NPSR1: variants seen among roughly 807,000 people sequenced by gnomAD.
NPSR1 encodes the protein neuropeptide S receptor 1.
A neutral mutation model predicts 46.9 loss-of-function variants in NPSR1; 48 were observed. The ratio of observed to expected loss-of-function variants is 1.02; its 90% confidence interval spans 0.81 to 1.30. The LOEUF is 1.30. NPSR1 is among the 50% of genes most tolerant of loss of function. The probability of loss-of-function intolerance (pLI) is 0.00; values close to 1 mark genes in which losing one functional copy is unlikely to be tolerated. For missense variants in NPSR1, 450 were observed against 449.5 expected (o/e 1.00, Z -0.01); for synonymous variants, 176 against 168.1 (o/e 1.05, Z -0.36).
At chr7:34,873,949 T>C (rs1284752817) in intron 8 of NPSR1, among the ~76,000 whole-genome samples, 1 of 151,624 alleles carries the variant, frequency 6.6e-6, no homozygotes. Flanking sequence ...AGCCCCTAAC[T>C]GATCATTGAT....
At chr7:34,789,191 A>T (rs1201789911) in intron 3 of NPSR1, among the ~76,000 whole-genome samples, 1 of 152,016 alleles carries the variant, frequency 6.6e-6, no homozygotes, top group East Asian at 1.9e-4. Context: ...ACCTACATCA[A>T]ACAAAAGATT....
chr7:34,805,531 A>C (rs974917456), intron 3 of NPSR1, among the ~76,000 whole-genome samples: 25 of 151,648 alleles, frequency 1.6e-4, no homozygotes, highest in African/African-American at 5.6e-4. Flanking sequence ...CTTTCACAAA[A>C]ACCAACTCAG....
At chr7:34,813,482 A>G (rs555005604) in intron 4 of NPSR1, among the ~76,000 whole-genome samples, 7 of 152,286 alleles carry the variant, frequency 4.6e-5, no homozygotes, top group African/African-American at 1.7e-4. Context: ...CCTGCCTCTC[A>G]ATGTGGAAGT....
At chr7:34,785,381 T>C (rs1227113017) in intron 3 of NPSR1, among the ~76,000 whole-genome samples, 1 of 81,560 alleles carries the variant, frequency 1.2e-5, no homozygotes, top group Non-Finnish European at 2.2e-5. Flanking sequence ...GGCACTGTTG[T>C]GGGGTGGGGG....
chr7:34,733,732 A>G (rs1263132255), intron 2 of NPSR1, among the ~76,000 whole-genome samples: 8 of 152,232 alleles, frequency 5.3e-5, no homozygotes, highest in Non-Finnish European at 1.2e-4. Context: ...TATTTAAATT[A>G]CATTACTTTT....
chr7:34,760,102 C>A lies in NPSR1; in HGVS notation c.281-18360C>A, dbSNP rs182702902. Among the ~76,000 whole-genome samples, 5 of 152,268 alleles carry A rather than the reference C, an allele frequency of 3.3e-5. No individual in the cohort carries two copies. In the East Asian group the frequency reaches 5.8e-4, roughly 18 times the overall value. On this transcript the variant is annotated intron_variant, in intron 2 of 8. Coordinates refer to ENST00000360581, the MANE Select transcript of NPSR1 (RefSeq NM_207172.2). The stretch of plus-strand genomic sequence containing the variant: ...CAAATATATTGGATTAGCTGGCATG[C>A]ATTATAGCAAATAAAATAGCCAGTC...
At position 34,694,045 on chromosome 7, in the gene NPSR1, A is replaced by C. The variant is rs560282518; in HGVS notation, c.280+9361A>C. Among the ~76,000 whole-genome samples, 41 of 152,336 alleles carry C rather than the reference A, an allele frequency of 2.7e-4. No individual in the cohort carries two copies. The South Asian group carries it at 7.5e-3, about 28-fold the overall frequency. On this transcript the variant is annotated intron_variant, in intron 2 of 8. Transcript: ENST00000360581. ...ATTACAAACCTACAGCCAACATTAT[A>C]CTGAATGAGGAAAAATTGAAAGCAT...
At chr7:34,867,788 C>T (rs1791348461) in intron 8 of NPSR1, among the ~76,000 whole-genome samples, 1 of 151,850 alleles carries the variant, frequency 6.6e-6, no homozygotes, top group Non-Finnish European at 1.5e-5. Flanking sequence ...TGGCATTGCA[C>T]TCCCAGCCTT....
At chr7:34,702,703 T>G (rs545442284) in intron 2 of NPSR1, among the ~76,000 whole-genome samples, 1 of 152,366 alleles carries the variant, frequency 6.6e-6, no homozygotes, top group South Asian at 2.1e-4. Context: ...ATTTTTAGGC[T>G]ATTAGCAATC....
At chr7:34,670,375 AT>A (rs1791989237) in intron 1 of NPSR1, among the ~76,000 whole-genome samples, 1 of 152,034 alleles carries the variant, frequency 6.6e-6, no homozygotes, top group Non-Finnish European at 1.5e-5. Flanking sequence ...AGGAACTAGT[AT>A]TTTTGCAACA....
chr7:34,848,218 T>C (rs764201788), intron 7 of NPSR1, among the ~76,000 whole-genome samples: 13 of 152,230 alleles, frequency 8.5e-5, no homozygotes, highest in Non-Finnish European at 1.3e-4. Flanking sequence ...TCCACAGCAG[T>C]AGAAATTTGA....
At chr7:34,802,576 TA>T (rs199663156) in intron 3 of NPSR1, among the ~76,000 whole-genome samples, 3,316 of 150,330 alleles carry the variant, frequency 0.022, 409 homozygotes, top group African/African-American at 0.079. Context: ...CAAGATGGAT[TA>T]AAGACTAAAT....
intron 1 of NPSR1, among the ~76,000 whole-genome samples, chr7:34,669,554 G>A (rs1791933343): frequency 6.7e-6 from 1 of 149,934 alleles, no homozygotes; most frequent in Non-Finnish European, 1.5e-5. Flanking sequence ...GGGCGACAGA[G>A]CGAGACTCTG....
rs182707306 is a variant in NPSR1 at position 34,790,639 on chromosome 7, A to G, written c.384+12074A>G. On this transcript the variant is annotated intron_variant, in intron 3 of 8. Transcript: ENST00000360581. ...TACATATATATAAAATATATAATTT[A>G]TATATAATATGTATTATGTTATAAA... 1.9e-3 allele frequency among the ~76,000 whole-genome samples: 260 copies of G among 139,518 alleles called. 1 individual carries two copies. The highest frequency in any genetic ancestry group is 6.5e-3 in the African/African-American group (251 of 38,612). 91.5% of individuals were successfully genotyped at this position (139,518 alleles called of 152,430 possible).
At chr7:34,666,223 G>A (rs762903479) in intron 1 of NPSR1, among the ~76,000 whole-genome samples, 25 of 152,168 alleles carry the variant, frequency 1.6e-4, no homozygotes, top group Non-Finnish European at 2.9e-4. Flanking sequence ...GGAAAAATCC[G>A]TAGGATTGGT....
At chr7:34,689,604 CAAAAAAAAAAAAAAAAAA>C (rs869170591) in intron 2 of NPSR1, among the ~76,000 whole-genome samples, 3 of 36,676 alleles carry the variant, frequency 8.2e-5, no homozygotes, top group African/African-American at 1.0e-4. Context: ...GACTCTGTCT[CAAAAAAAAAAAAAAAAAA>C]AAAAAAAAAA....
intron 2 of NPSR1, among the ~76,000 whole-genome samples, chr7:34,736,707 C>T (rs2128716668): frequency 6.6e-6 from 1 of 152,160 alleles, no homozygotes; most frequent in Admixed American, 6.5e-5. Context: ...CTCTAGTGAT[C>T]CTCCCGCCTC....
intron 5 of NPSR1, 33 bp downstream of exon 5, chr7:34,827,635 GGGTGGGGC>G: frequency 2.5e-6 from 3 of 1,213,064 alleles, no homozygotes; most frequent in Admixed American, 3.8e-5. Context: ...CCACACGGGG[GGGTGGGGC>G]GGGGGGGGCT....
At chr7:34,666,492 C>A (rs1791757801) in intron 1 of NPSR1, among the ~76,000 whole-genome samples, 1 of 151,972 alleles carries the variant, frequency 6.6e-6, no homozygotes, top group African/African-American at 2.4e-5. Flanking sequence ...TTCTGATGTC[C>A]CCCTGACTTG....
Sources: gnomAD v4.1 joint callset for allele counts (sites outside exome capture counted in the v4.1 genomes callset) on GRCh38, gnomAD v4.1.1 for gene constraint, MANE v1.5 for transcripts, NCBI Gene and HGNC (gene_info 2026-07-23, HGNC 2026-07-21) for gene names.